The following ELAVL2 variants were observed in gnomAD, a reference collection of about 807,000 sequenced individuals.
The protein encoded by ELAVL2 is ELAV like RNA binding protein 2.
ELAVL2 carries 4 observed loss-of-function variants against 34.6 expected under a neutral mutation model. The observed-to-expected ratio is 0.12, with a 90% CI of 0.06 to 0.26. The LOEUF is 0.26. Ranked by LOEUF, ELAVL2 falls within the 10% of genes least tolerant of loss-of-function variation. The pLI, the probability that ELAVL2 is intolerant of heterozygous loss-of-function variation, is 1.00. For missense variants in ELAVL2, 432 were observed against 442.8 expected, an observed-to-expected ratio of 0.98 and a Z score of 0.22; for synonymous variants, 193 against 154.8, an observed-to-expected ratio of 1.25 and a Z score of -1.83.
intron 3 of ELAVL2, among the ~76,000 whole-genome samples, chr9:23,705,969 T>G (rs2039205369): frequency 6.6e-6 from 1 of 151,894 alleles, no homozygotes. Flanking sequence ...AGTGCTACAT[T>G]TCTAAAAAAA....
intron 2 of ELAVL2, among the ~76,000 whole-genome samples, chr9:23,759,470 G>A (rs1424727833): frequency 1.3e-5 from 2 of 151,654 alleles, no homozygotes. Context: ...AAAGAAATAA[G>A]TTCTGGTGTG....
chr9:23,731,278 T>C (rs1343135728), intron 2 of ELAVL2, among the ~76,000 whole-genome samples, 153 bp from the exon 3 acceptor site: 4 of 152,006 alleles, frequency 2.6e-5, no homozygotes, highest in African/African-American at 9.7e-5. Context: ...ATACATGAAG[T>C]CTTTATGTCT....
chr9:23,779,732 G>GA (rs2058776445), intron 1 of ELAVL2, among the ~76,000 whole-genome samples: 1 of 151,790 alleles, frequency 6.6e-6, no homozygotes, highest in Non-Finnish European at 1.5e-5. Context: ...AAAATCCCCT[G>GA]AACTTTCACA....
intron 1 of ELAVL2, among the ~76,000 whole-genome samples, chr9:23,812,689 C>A (rs1333080318): frequency 6.7e-6 from 1 of 150,190 alleles, no homozygotes. Flanking sequence ...TAAAATCATA[C>A]ACAGTTAATT....
chr9:23,727,520 T>C (rs1399267696), intron 3 of ELAVL2, among the ~76,000 whole-genome samples: 2 of 152,040 alleles, frequency 1.3e-5, no homozygotes, highest in South Asian at 2.1e-4. Context: ...AAATACCAAA[T>C]GTATAGAGAA....
intron 1 of ELAVL2, among the ~76,000 whole-genome samples, chr9:23,773,672 A>G (rs569895361): frequency 6.6e-6 from 1 of 152,334 alleles, no homozygotes; most frequent in East Asian, 1.9e-4. Context: ...ATTACAGGCT[A>G]CATTTTAACA....
chr9:23,713,169 T>C (rs903298071), intron 3 of ELAVL2, among the ~76,000 whole-genome samples: 21 of 152,190 alleles, frequency 1.4e-4, no homozygotes, highest in African/African-American at 4.8e-4. Context: ...TTGGTTCTAG[T>C]ATGAAGTTGG....
At chr9:23,747,989 A>G (rs973989196) in intron 2 of ELAVL2, among the ~76,000 whole-genome samples, 1 of 152,150 alleles carries the variant, frequency 6.6e-6, no homozygotes, top group Non-Finnish European at 1.5e-5. Context: ...ATAGGCCACA[A>G]ACCACCTGCC....
At chr9:23,809,476 C>G (rs1031471401) in intron 1 of ELAVL2, among the ~76,000 whole-genome samples, 1 of 152,120 alleles carries the variant, frequency 6.6e-6, no homozygotes, top group Non-Finnish European at 1.5e-5. Flanking sequence ...AATTGCATAT[C>G]TAAGACATGA....
intron 2 of ELAVL2, among the ~76,000 whole-genome samples, chr9:23,742,133 A>T (rs2049355986): frequency 6.6e-6 from 1 of 152,214 alleles, no homozygotes; most frequent in African/African-American, 2.4e-5. Flanking sequence ...CCTTGAAAGT[A>T]TTCTTGCACT....
intron 4 of ELAVL2, among the ~76,000 whole-genome samples, chr9:23,702,568 C>A (rs1274664808): frequency 6.6e-6 from 1 of 150,658 alleles, no homozygotes; most frequent in African/African-American, 2.4e-5. Flanking sequence ...ACTGGACCAT[C>A]ATACTTGGAG....
intron 5 of ELAVL2, among the ~76,000 whole-genome samples, chr9:23,699,973 A>C (rs759122735): frequency 4.6e-5 from 7 of 151,888 alleles, no homozygotes; most frequent in Non-Finnish European, 8.8e-5. Flanking sequence ...GGCATTCATA[A>C]CAAATTTCCT....
At chr9:23,828,661 A>G (rs1048552787), upstream of ELAVL2, among the ~76,000 whole-genome samples, 2 of 152,166 alleles carry the variant, frequency 1.3e-5, no homozygotes, top group Non-Finnish European at 2.9e-5. Flanking sequence ...AATATTATTC[A>G]AAGTATTGTC....
chr9:23,838,039 C>CAT, the ELAVL2 span, among the ~76,000 whole-genome samples: 1 of 152,006 alleles, frequency 6.6e-6, no homozygotes, highest in Non-Finnish European at 1.5e-5. Flanking sequence ...CCTCCATAAA[C>CAT]ATATAGTAAA....
At chr9:23,790,620 C>A (rs1031343490) in intron 1 of ELAVL2, among the ~76,000 whole-genome samples, 2 of 152,204 alleles carry the variant, frequency 1.3e-5, no homozygotes, top group Admixed American at 6.5e-5. Context: ...TGACTCTCTG[C>A]TGATTACCTT....
chr9:23,733,715 T>G (rs570128228), intron 2 of ELAVL2, among the ~76,000 whole-genome samples: 6 of 152,296 alleles, frequency 3.9e-5, no homozygotes, highest in Non-Finnish European at 5.9e-5. Context: ...CTTAGCTGTT[T>G]CCCACTCTAG....
intron 2 of ELAVL2, among the ~76,000 whole-genome samples, chr9:23,736,925 C>T (rs1207716386): frequency 6.6e-6 from 1 of 152,138 alleles, no homozygotes; most frequent in Non-Finnish European, 1.5e-5. Context: ...ACATTCAGTT[C>T]TCTATGTCTG....
chr9:23,717,511 A>G (rs975918200), intron 3 of ELAVL2, among the ~76,000 whole-genome samples: 1 of 152,232 alleles, frequency 6.6e-6, no homozygotes, highest in Non-Finnish European at 1.5e-5. Context: ...TATGGTGTTC[A>G]GATGTAAGCT....
intron 1 of ELAVL2, among the ~76,000 whole-genome samples, chr9:23,780,294 T>C (rs1230153637): frequency 6.6e-6 from 1 of 152,102 alleles, no homozygotes; most frequent in Non-Finnish European, 1.5e-5. Flanking sequence ...AACAGAGAAT[T>C]TTCTAAACAG....
Sources: gnomAD v4.1 joint callset for allele counts (sites outside exome capture counted in the v4.1 genomes callset) on GRCh38, gnomAD v4.1.1 for gene constraint, MANE v1.5 for transcripts, NCBI Gene and HGNC (gene_info 2026-07-23, HGNC 2026-07-21) for gene names.